Variants in ROBO2 observed in about 807,000 individuals in gnomAD.
The protein encoded by ROBO2 is roundabout homolog 2.
In ROBO2, 53 loss-of-function variants were observed where a neutral mutation model predicts 160.8. The ratio of observed to expected loss-of-function variants is 0.33; its 90% CI spans 0.26 to 0.41. The LOEUF (loss-of-function observed/expected upper bound fraction) is 0.41. Ranked by LOEUF, ROBO2 falls within the 10% of genes least tolerant of loss-of-function variation. The pLI, the probability that ROBO2 is intolerant of heterozygous loss-of-function variation, is 1.00. For synonymous variants in ROBO2, 664 were observed against 611.7 expected (o/e 1.09, Z -1.26); for missense variants, 1,577 against 1,722.4 (o/e 0.92, Z 1.49).
At chr3:76,063,565 T>G (rs939783147) in intron 2 of ROBO2, among the ~76,000 whole-genome samples, 49 of 151,860 alleles carry the variant, frequency 3.2e-4, no homozygotes, top group Non-Finnish European at 1.3e-4. Flanking sequence ...AGGCTTGTCT[T>G]GAACTCCTGG....
rs369545817 is a variant in ROBO2 at position 77,188,949 on chromosome 3, T to TTGTGTGTGTGTG, written c.388+90618_388+90629dup. ...TTGAAGCCAGATTACTTTTGTAATC[T>TTGTGTGTGTGTG]TGTGTGTGTGTGTGTGTGTGAGAGA... On this transcript the variant is annotated intron_variant, in intron 2 of 25. Transcript: ENST00000461745. Among the ~76,000 whole-genome samples the TTGTGTGTGTGTG allele has an allele frequency of 2.7e-3, 380 of 142,950 alleles. 3 individuals are homozygous for TTGTGTGTGTGTG. Among genetic ancestry groups the TTGTGTGTGTGTG allele is most frequent in the African/African-American group, 8.8e-3 (348 of 39,474 alleles). The allele number at this position is 142,950 out of a possible 152,430, so 93.8% of individuals were successfully genotyped here. A position where few individuals can be genotyped will look rare whatever the true frequency, so the allele number is the denominator to read the frequency against.
intron 4 of ROBO2, among the ~76,000 whole-genome samples, chr3:77,484,962 C>T (rs2085167778): frequency 6.6e-6 from 1 of 152,102 alleles, no homozygotes; most frequent in South Asian, 2.1e-4. Context: ...AAATCTCTAA[C>T]AGAAACTATA....
chr3:76,453,983 C>T (rs936963823), intron 2 of ROBO2, among the ~76,000 whole-genome samples: 3 of 152,098 alleles, frequency 2.0e-5, no homozygotes, highest in Admixed American at 2.0e-4. Flanking sequence ...TCTATTGTCA[C>T]CTGGGCCATG....
At chr3:77,458,771 G>C (rs2081952619) in intron 2 of ROBO2, among the ~76,000 whole-genome samples, 1 of 151,998 alleles carries the variant, frequency 6.6e-6, no homozygotes, top group Admixed American at 6.6e-5. Flanking sequence ...TAGTTACAAA[G>C]CTAAATTATT....
chr3:76,608,777 G>A (rs902436837), intron 2 of ROBO2, among the ~76,000 whole-genome samples: 3 of 152,034 alleles, frequency 2.0e-5, no homozygotes, highest in Admixed American at 6.5e-5. Context: ...TATTTCTTCT[G>A]CATATGGATA....
At chr3:76,820,066 C>T (rs1411934663) in intron 2 of ROBO2, among the ~76,000 whole-genome samples, 1 of 152,086 alleles carries the variant, frequency 6.6e-6, no homozygotes, top group Non-Finnish European at 1.5e-5. Context: ...TGAGTTCAAT[C>T]CTGGTTCAAT....
chr3:77,500,779 C>T (rs1362747208), intron 5 of ROBO2, among the ~76,000 whole-genome samples: 2 of 152,132 alleles, frequency 1.3e-5, no homozygotes, highest in African/African-American at 4.8e-5. Context: ...AAACTAATTG[C>T]CACCTACGGT....
intron 2 of ROBO2, among the ~76,000 whole-genome samples, chr3:77,471,535 T>A (rs919042252): frequency 1.3e-5 from 2 of 152,232 alleles, no homozygotes; most frequent in African/African-American, 4.8e-5. Context: ...TTCTCCATTC[T>A]GCAACATGGC....
At chr3:76,402,684 A>T (rs980253036) in intron 2 of ROBO2, among the ~76,000 whole-genome samples, 3 of 151,556 alleles carry the variant, frequency 2.0e-5, no homozygotes, top group African/African-American at 7.3e-5. Flanking sequence ...GCAAAGTGAG[A>T]GCTGTTCACT....
chr3:76,318,631 G>T (rs984443555), intron 2 of ROBO2, among the ~76,000 whole-genome samples: 2 of 152,052 alleles, frequency 1.3e-5, no homozygotes, highest in Admixed American at 6.6e-5. Context: ...GATTGTGTCA[G>T]CGCTTCCATT....
At position 76,117,070 on chromosome 3, in the gene ROBO2, A is replaced by G. The variant is rs187095916; in HGVS notation, c.109+179468A>G. ...TCATAAAGTTTGATAATAATTGGCT[A>G]TTAGCCAAGACACTTTTTAAAACAT... On this transcript the variant is annotated intron_variant, in intron 2 of 26. Transcript: ENST00000487694. Among the ~76,000 whole-genome samples, 33 of 152,296 alleles carry G rather than the reference A, an allele frequency of 2.2e-4. No individual in the cohort carries two copies. The East Asian group carries it at 5.8e-3, about 27-fold the overall frequency.
upstream of ROBO2, among the ~76,000 whole-genome samples, chr3:77,037,898 T>G (rs1179581659): frequency 1.3e-5 from 2 of 152,192 alleles, no homozygotes; most frequent in Non-Finnish European, 2.9e-5. Flanking sequence ...AGGAAGACTA[T>G]TTTCCGAATA....
chr3:76,624,920 T>A (rs1179864591), intron 2 of ROBO2, among the ~76,000 whole-genome samples: 1 of 148,422 alleles, frequency 6.7e-6, no homozygotes. Context: ...GATGACTAAA[T>A]AAATAGTAAG....
intron 2 of ROBO2, among the ~76,000 whole-genome samples, chr3:77,434,087 T>G (rs532581324): frequency 2.0e-5 from 3 of 152,168 alleles, no homozygotes; most frequent in Admixed American, 2.0e-4. Context: ...CCTTTTACTT[T>G]TTGGAAAAAG....
chr3:77,246,177 AAAGG>A (rs2089697369), intron 2 of ROBO2, among the ~76,000 whole-genome samples: 1 of 152,122 alleles, frequency 6.6e-6, no homozygotes, highest in Non-Finnish European at 1.5e-5. Flanking sequence ...GGTAAATGGA[AAAGG>A]AATAGTAAAT....
intron 2 of ROBO2, among the ~76,000 whole-genome samples, chr3:77,169,471 A>C (rs947157686): frequency 1.3e-5 from 2 of 152,194 alleles, no homozygotes; most frequent in African/African-American, 4.8e-5. Flanking sequence ...ACCAGGTACC[A>C]GATTTGTAGT....
At chr3:77,427,388 G>C (rs1413814996) in intron 2 of ROBO2, among the ~76,000 whole-genome samples, 1 of 152,148 alleles carries the variant, frequency 6.6e-6, no homozygotes, top group Non-Finnish European at 1.5e-5. Context: ...GGGTGCAATT[G>C]CTATCTCTAT....
chr3:76,316,647 G>A (rs545484194), intron 2 of ROBO2, among the ~76,000 whole-genome samples: 85 of 152,266 alleles, frequency 5.6e-4, no homozygotes, highest in Admixed American at 5.5e-3. Context: ...ACAGGATTAG[G>A]AGATTAAAGT....
chr3:76,526,049 GA>G (rs200946651), intron 2 of ROBO2, among the ~76,000 whole-genome samples: 2 of 149,484 alleles, frequency 1.3e-5, no homozygotes, highest in Admixed American at 6.7e-5. Flanking sequence ...TTGATTTAAA[GA>G]AAAAAAAACA....
Sources: allele counts gnomAD v4.1 joint callset (sites outside exome capture counted in the v4.1 genomes callset), GRCh38; gene constraint gnomAD v4.1.1; transcripts MANE v1.5; gene names NCBI Gene and HGNC (gene_info 2026-07-23, HGNC 2026-07-21).